STK32B: variants seen among roughly 807,000 people sequenced by gnomAD.
STK32B encodes the protein serine/threonine-protein kinase 32B.
Under a neutral mutation model 52.6 loss-of-function variants are expected in STK32B, and 43 were observed. The ratio of observed to expected loss-of-function variants is 0.82; its 90% CI spans 0.64 to 1.05. STK32B has a LOEUF of 1.05. Among genes scored for constraint, STK32B ranks in the 50% least tolerant of loss-of-function variants. The pLI, the probability that STK32B is intolerant of heterozygous loss-of-function variation, is 0.00. For synonymous variants in STK32B, 238 were observed against 204.3 expected, an observed-to-expected ratio of 1.17 and a Z score of -1.41; for missense variants, 621 against 534.6, an observed-to-expected ratio of 1.16 and a Z score of -1.59.
chr4:5,495,417 T>G (rs2108733035), intron 11 of STK32B, among the ~76,000 whole-genome samples: 1 of 152,358 alleles, frequency 6.6e-6, no homozygotes, highest in Middle Eastern at 3.4e-3. Flanking sequence ...GCCTTGGCTT[T>G]CAGCTCCATC....
chr4:5,459,291 C>CA (rs1412684776), intron 8 of STK32B, among the ~76,000 whole-genome samples: 1 of 128,014 alleles, frequency 7.8e-6, no homozygotes, highest in South Asian at 2.4e-4. Flanking sequence ...TGCCCCCCCC[C>CA]CCCACCTTTC....
chr4:5,245,203 G>T (rs1223442706), intron 3 of STK32B, among the ~76,000 whole-genome samples: 1 of 152,124 alleles, frequency 6.6e-6, no homozygotes, highest in Non-Finnish European at 1.5e-5. Flanking sequence ...TTATTATTGT[G>T]TTGGAGTCCA....
chr4:5,292,450 C>T (rs116788102), intron 3 of STK32B, among the ~76,000 whole-genome samples: 1,743 of 151,984 alleles, frequency 0.011, 28 homozygotes, highest in South Asian at 0.057. Flanking sequence ...TCTTCAGAGA[C>T]GTGTCTATTC....
chr4:5,097,535 G>T (rs1354286012), intron 1 of STK32B, among the ~76,000 whole-genome samples: 4 of 152,212 alleles, frequency 2.6e-5, no homozygotes, highest in African/African-American at 9.6e-5. Context: ...TCTCTCTCAT[G>T]TGTTGTCCTT....
At chr4:5,344,692 AT>A (rs376899720) in intron 4 of STK32B, among the ~76,000 whole-genome samples, 2,048 of 147,726 alleles carry the variant, frequency 0.014, 20 homozygotes, top group African/African-American at 0.032. Flanking sequence ...CTTTGTCAGA[AT>A]TTTTTTTTTT....
At chr4:5,131,444 C>T (rs923048859) in intron 1 of STK32B, among the ~76,000 whole-genome samples, 2 of 152,128 alleles carry the variant, frequency 1.3e-5, no homozygotes, top group Non-Finnish European at 1.5e-5. Flanking sequence ...ATCAACAGAC[C>T]ATATTTTTCG....
At chr4:5,038,916 CTT>C in the STK32B span, among the ~76,000 whole-genome samples, 7 of 150,904 alleles carry the variant, frequency 4.6e-5, no homozygotes, top group African/African-American at 1.7e-4. Flanking sequence ...TATTTTTAAA[CTT>C]TTTGACTCTT....
intron 6 of STK32B, among the ~76,000 whole-genome samples, chr4:5,433,551 A>G (rs775405667): frequency 2.0e-5 from 3 of 152,166 alleles, no homozygotes; most frequent in Non-Finnish European, 4.4e-5. Context: ...TAACTCCTCC[A>G]TTCGGACTTG....
At chr4:5,191,326 C>G (rs1165313176) in intron 3 of STK32B, among the ~76,000 whole-genome samples, 1 of 151,686 alleles carries the variant, frequency 6.6e-6, no homozygotes, top group Non-Finnish European at 1.5e-5. Context: ...TCTCGGCTCA[C>G]TACAAGCTCT....
intron 3 of STK32B, among the ~76,000 whole-genome samples, chr4:5,253,198 C>T (rs1726059613): frequency 1.3e-5 from 2 of 152,060 alleles, no homozygotes; most frequent in Non-Finnish European, 2.9e-5. Context: ...GTAGAGCTTA[C>T]ATTGCTCCCT....
At position 5,141,863 on chromosome 4, in the gene STK32B, A is replaced by G. The variant is rs544357376; in HGVS notation, c.108+1903A>G. On this transcript the variant is annotated intron_variant, in intron 2 of 11. Coordinates refer to ENST00000282908, the MANE Select transcript of STK32B (RefSeq NM_018401.3). ...ATGAGATTTTCTCCTCAGGTTTCCT[A>G]TCTAATGGTTTAGAGGTTGCCGAGT... Among the ~76,000 whole-genome samples, 6 of 152,130 alleles carry G rather than the reference A, an allele frequency of 3.9e-5. No homozygotes were observed. The South Asian group carries it at 1.2e-3, about 32-fold the overall frequency.
At chr4:5,426,381 A>G (rs1480933323) in intron 6 of STK32B, among the ~76,000 whole-genome samples, 3 of 152,120 alleles carry the variant, frequency 2.0e-5, no homozygotes, top group Non-Finnish European at 2.9e-5. Flanking sequence ...TGTGTGGAAT[A>G]TATGTTCAAA....
intron 3 of STK32B, among the ~76,000 whole-genome samples, chr4:5,229,974 A>G (rs1175632611): frequency 2.0e-5 from 3 of 151,836 alleles, no homozygotes; most frequent in Non-Finnish European, 4.4e-5. Context: ...TTATGCCCCA[A>G]ACCTACTACT....
chr4:5,274,411 T>C (rs1727670573), intron 3 of STK32B, among the ~76,000 whole-genome samples: 1 of 152,012 alleles, frequency 6.6e-6, no homozygotes, highest in Non-Finnish European at 1.5e-5. Flanking sequence ...ACAGACCATA[T>C]TGAGATAAAC....
At chr4:5,102,610 C>A (rs1001588573) in intron 1 of STK32B, among the ~76,000 whole-genome samples, 8 of 151,424 alleles carry the variant, frequency 5.3e-5, no homozygotes, top group African/African-American at 1.9e-4. Flanking sequence ...TGGCTCACTG[C>A]AACCTCCGCC....
At chr4:5,287,704 A>G (rs919548619) in intron 3 of STK32B, among the ~76,000 whole-genome samples, 1 of 152,094 alleles carries the variant, frequency 6.6e-6, no homozygotes, top group African/African-American at 2.4e-5. Flanking sequence ...TTTTTACACA[A>G]ATGGTAGTAT....
chr4:5,315,798 G>A (rs1390893580), intron 3 of STK32B, among the ~76,000 whole-genome samples: 1 of 150,620 alleles, frequency 6.6e-6, no homozygotes, highest in East Asian at 2.0e-4. Context: ...TCTGCCTCCT[G>A]GGTTCAAGCT....
At chr4:5,279,249 G>A (rs535404141) in intron 3 of STK32B, among the ~76,000 whole-genome samples, 1 of 152,306 alleles carries the variant, frequency 6.6e-6, no homozygotes, top group East Asian at 1.9e-4. Context: ...AGATACAGTG[G>A]GGGTACAGGC....
At chr4:5,383,049 C>T (rs557017505) in intron 4 of STK32B, among the ~76,000 whole-genome samples, 13 of 152,218 alleles carry the variant, frequency 8.5e-5, no homozygotes, top group East Asian at 1.9e-4. Context: ...AAGGTCTCCA[C>T]GTCGACTCTG....
Sources: gnomAD v4.1 joint callset for allele counts (sites outside exome capture counted in the v4.1 genomes callset) on GRCh38, gnomAD v4.1.1 for gene constraint, MANE v1.5 for transcripts, NCBI Gene and HGNC (gene_info 2026-07-23, HGNC 2026-07-21) for gene names.